TRPM3: variants seen among roughly 807,000 people sequenced by gnomAD.
TRPM3 encodes transient receptor potential cation channel subfamily M member 3, also known as long transient receptor potential channel 3.
A neutral mutation model predicts 181.2 loss-of-function variants in TRPM3; 77 were observed. That is an observed-to-expected ratio of 0.42 (90% CI 0.35 to 0.51). The LOEUF is 0.51. TRPM3 is among the 20% of genes least tolerant of loss of function. TRPM3 has a pLI of 0.01. For synonymous variants in TRPM3, 745 were observed against 796.4 expected (o/e 0.94, Z 1.09); for missense variants, 1,759 against 2,196.7 (o/e 0.80, Z 3.98).
chr9:70,588,427 T>A (rs1267236779), intron 22 of TRPM3, among the ~76,000 whole-genome samples: 4 of 151,740 alleles, frequency 2.6e-5, no homozygotes, highest in Non-Finnish European at 5.9e-5. Flanking sequence ...AGAAAGAGTA[T>A]TTTCCCAAAC....
intron 1 of TRPM3, among the ~76,000 whole-genome samples, chr9:71,414,547 G>A (rs564437357): frequency 6.6e-6 from 1 of 152,006 alleles, no homozygotes; most frequent in Non-Finnish European, 1.5e-5. Flanking sequence ...GTAATCACAT[G>A]TGGGTCAAAA....
Position 71,282,242 on chromosome 9 carries a change from TGAAA to T in TRPM3, c.183+164407_183+164410del, listed in dbSNP as rs1276924935. On this transcript the variant is annotated intron_variant, in intron 1 of 24. Coordinates refer to the TRPM3 transcript ENST00000357533. ...GAAAGAAAGAAAGAAAAAGAAAGAATGAAAGAAAGAAAGAAAGGAAAGAAAGAGA... is the reference window on the plus strand; with the variant it reads ...GAAAGAAAGAAAGAAAAAGAAAGAATGAAAGAAAGAAAGGAAAGAAAGAGA... Among the ~76,000 whole-genome samples the T allele has an allele frequency of 4.7e-3, 82 of 17,556 alleles. 16 individuals are homozygous for T. The highest frequency in any genetic ancestry group is 6.5e-3 in the African/African-American group (23 of 3,526). 11.5% of individuals were successfully genotyped at this position (17,556 alleles called of 152,430 possible). A position where few individuals can be genotyped will look rare whatever the true frequency, so the allele number is the denominator to read the frequency against.
chr9:71,120,475 A>G (rs1379902729), intron 1 of TRPM3, among the ~76,000 whole-genome samples: 3 of 152,204 alleles, frequency 2.0e-5, no homozygotes, highest in Admixed American at 6.5e-5. Context: ...GAAGCGCTGC[A>G]GACACACGGT....
intron 1 of TRPM3, among the ~76,000 whole-genome samples, chr9:71,373,551 G>T (rs998521703): frequency 5.3e-5 from 8 of 152,054 alleles, no homozygotes; most frequent in African/African-American, 1.9e-4. Flanking sequence ...ATTCCTAGAC[G>T]CATACACCCT....
chr9:71,263,253 T>C (rs1304251520), intron 1 of TRPM3, among the ~76,000 whole-genome samples: 1 of 152,238 alleles, frequency 6.6e-6, no homozygotes, highest in South Asian at 2.1e-4. Flanking sequence ...TGCTTACATT[T>C]TTTTAAACGT....
rs769218744 is a variant in TRPM3, at chr9:70,553,109, T to C, written c.3374+51A>G. On this transcript the variant is annotated intron_variant, in intron 23 of 25. Transcript: ENST00000677713. ...CTGTTTTCTGAAGCATCGACTCCCC[T>C]TCACCCCTGCTGTCCTCATCCATCC... is the stretch of plus-strand genomic sequence containing the variant. The C allele has an allele frequency of 1.9e-6, 3 of 1,613,588 alleles. No homozygotes were observed. The Admixed American group carries it at 5.0e-5, about 27-fold the overall frequency.
intron 1 of TRPM3, among the ~76,000 whole-genome samples, chr9:70,906,178 TA>T (rs2133082100): frequency 6.6e-6 from 1 of 152,190 alleles, no homozygotes; most frequent in African/African-American, 2.4e-5. Flanking sequence ...CTTTTATAAA[TA>T]GGGGAAGAAG....
upstream of TRPM3, among the ~76,000 whole-genome samples, chr9:71,124,176 C>A (rs764846327): frequency 2.0e-5 from 3 of 151,992 alleles, no homozygotes; most frequent in Non-Finnish European, 4.4e-5. Context: ...TCACTGGGGA[C>A]GCTTTGTGCC....
At chr9:71,388,692 C>T (rs1332339185) in intron 1 of TRPM3, among the ~76,000 whole-genome samples, 1 of 152,068 alleles carries the variant, frequency 6.6e-6, no homozygotes, top group African/African-American at 2.4e-5. Context: ...TCTACATGTA[C>T]CACCCAAGGG....
intron 1 of TRPM3, among the ~76,000 whole-genome samples, chr9:71,290,979 A>C (rs1006149102): frequency 4.6e-5 from 7 of 152,172 alleles, no homozygotes; most frequent in Admixed American, 1.3e-4. Flanking sequence ...ATCAATGTAA[A>C]TGAACTAAAC....
chr9:70,536,334 G>C lies in TRPM3; in HGVS notation c.4779C>G (p.Cys1593Trp). The change falls in exon 26 of 26, where the codon TGC becomes TGG. Residue 1593 changes from cysteine to tryptophan, a missense_variant. Physicochemically the swap from Cys to Trp is radical, Grantham distance 215. Coordinates refer to ENST00000677713, the MANE Select transcript of TRPM3 (RefSeq NM_001366145.2). ...GTTCTGCTTCTCGCTCTGGATGGCA[G>C]CAAGTTAAGTCCTCCACTTTGTCTC... Reference protein sequence around the residue: ...GLGDKVEDLTCCHPEREAELS... With the variant: ...GLGDKVEDLTWCHPEREAELS... 6.2e-7 allele frequency: 1 copy of C among 1,614,122 alleles called. No homozygotes were observed. Among genetic ancestry groups the C allele is most frequent in the Non-Finnish European group, 8.5e-7 (1 of 1,180,014 alleles).
intron 1 of TRPM3, among the ~76,000 whole-genome samples, chr9:71,264,553 C>T (rs2083263534): frequency 6.6e-6 from 1 of 152,122 alleles, no homozygotes; most frequent in African/African-American, 2.4e-5. Context: ...TGAGGTTGCA[C>T]CTGTAAGCAT....
intron 1 of TRPM3, among the ~76,000 whole-genome samples, chr9:71,232,420 T>C (rs1412134631): frequency 6.6e-6 from 1 of 151,796 alleles, no homozygotes; most frequent in Non-Finnish European, 1.5e-5. Flanking sequence ...ATAAAAATTG[T>C]GTGTTGATTT....
chr9:70,625,471 AATTAAT>A lies in TRPM3; in HGVS notation c.1668+5_1668+10del, dbSNP rs1564611566. 6 of 1,609,048 alleles carry A rather than the reference AATTAAT, an allele frequency of 3.7e-6. No individual in the cohort carries two copies. Among genetic ancestry groups the A allele is most frequent in the Middle Eastern group, 3.3e-4 (2 of 6,032 alleles). ...ATATGAATGTATTATTATGCTGGTT[AATTAAT>A]TCACCTTAAAATAGATCCAACCGAA... is the stretch of plus-strand genomic sequence containing the variant. On this transcript the variant is annotated splice_donor_5th_base_variant and intron_variant, in intron 13 of 25. Transcript: ENST00000677713. The surrounding 1 kb of genome is among the most constrained non-coding windows in gnomAD (Gnocchi z 4.8).
At chr9:71,073,042 T>C (rs2062984186) in intron 1 of TRPM3, among the ~76,000 whole-genome samples, 1 of 152,198 alleles carries the variant, frequency 6.6e-6, no homozygotes, top group African/African-American at 2.4e-5. Context: ...CAGTTTCCTT[T>C]GTCTTAAGTT....
intron 1 of TRPM3, among the ~76,000 whole-genome samples, chr9:70,960,201 T>G (rs751766181): frequency 2.6e-5 from 4 of 152,066 alleles, no homozygotes; most frequent in South Asian, 4.1e-4. Context: ...AATCAAAACT[T>G]ACTGTACGTG....
intron 1 of TRPM3, among the ~76,000 whole-genome samples, chr9:71,055,449 A>G: frequency 6.6e-6 from 1 of 152,086 alleles, no homozygotes. Context: ...TAATAGAATC[A>G]AGAGGGCAAA....
chr9:71,371,388 C>T (rs1340770942), intron 1 of TRPM3, among the ~76,000 whole-genome samples: 1 of 152,122 alleles, frequency 6.6e-6, no homozygotes, highest in Non-Finnish European at 1.5e-5. Context: ...GTGAATATAG[C>T]AACCTTAACA....
At position 71,370,473 on chromosome 9, in the gene TRPM3, G is replaced by A. The variant is rs1171708406; in HGVS notation, c.183+76180C>T. ...ATATGGAGAAAGTTTTAGTGGTCTG[G>A]ATAGAAAAAAAAAATCAAACCAGCC... is the stretch of plus-strand genomic sequence containing the variant. On this transcript the variant is annotated intron_variant, in intron 1 of 24. Transcript: ENST00000357533. Among the ~76,000 whole-genome samples the A allele has an allele frequency of 4.7e-5, 7 of 149,750 alleles. No individual in the cohort carries two copies. The South Asian group carries it at 6.2e-4, about 13-fold the overall frequency.
Sources: allele counts gnomAD v4.1 joint callset (sites outside exome capture counted in the v4.1 genomes callset), GRCh38; gene constraint gnomAD v4.1.1; non-coding constraint Gnocchi (gnomAD v3.1); transcripts MANE v1.5; gene names NCBI Gene and HGNC (gene_info 2026-07-23, HGNC 2026-07-21).